Variants in KDM4B observed in about 807,000 individuals in gnomAD.
KDM4B encodes lysine demethylase 4B.
A neutral mutation model predicts 125.2 loss-of-function variants in KDM4B; 32 were observed. That is an observed-to-expected ratio of 0.26 (90% CI 0.19 to 0.34). The LOEUF (loss-of-function observed/expected upper bound fraction) is 0.34. Among genes scored for constraint, KDM4B ranks in the 10% least tolerant of loss-of-function variants. The pLI, the probability that KDM4B is intolerant of heterozygous loss-of-function variation, is 1.00. For synonymous variants in KDM4B, 721 were observed against 677.9 expected (o/e 1.06, Z -0.99); for missense variants, 1,190 against 1,577.7 (o/e 0.75, Z 4.16).
intron 2 of KDM4B, among the ~76,000 whole-genome samples, chr19:5,026,418 A>G (rs551874339): frequency 5.3e-4 from 81 of 152,244 alleles, no homozygotes; most frequent in African/African-American, 1.9e-3. Context: ...CCTGAGCTCA[A>G]TCGAGTGTCC....
chr19:4,984,851 C>G (rs1477664734), intron 1 of KDM4B, among the ~76,000 whole-genome samples: 1 of 152,134 alleles, frequency 6.6e-6, no homozygotes, highest in Non-Finnish European at 1.5e-5. Flanking sequence ...TACTAATGTA[C>G]CTGGGGGTCT....
At chr19:5,132,353 G>T (rs562560829) in intron 13 of KDM4B, among the ~76,000 whole-genome samples, 1 of 152,174 alleles carries the variant, frequency 6.6e-6, no homozygotes. Flanking sequence ...AAAGGCTCCC[G>T]CGAAGCTTTG....
rs138083510 is a variant in KDM4B, at chr19:5,141,755, G to T, written c.2551-2212G>T. On this transcript the variant is annotated intron_variant, in intron 18 of 22. Coordinates refer to ENST00000159111, the MANE Select transcript of KDM4B (RefSeq NM_015015.3). This position sits in a 1 kb window ranked among gnomAD's most constrained non-coding sequence, Gnocchi z 6.4. ...AAGTTATCACCACGTTCTCAAGGCCGTGCTGCTGAGAAGCTTCTCACCTAC... is the reference window on the plus strand; with the variant it reads ...AAGTTATCACCACGTTCTCAAGGCCTTGCTGCTGAGAAGCTTCTCACCTAC... Among the ~76,000 whole-genome samples the T allele has an allele frequency of 1.4e-4, 21 of 152,184 alleles. No individual in the cohort carries two copies. The highest frequency in any genetic ancestry group is 2.2e-4 in the Non-Finnish European group (15 of 68,034).
At chr19:5,112,769 G>C (rs931751297) in intron 10 of KDM4B, 1 of 152,456 alleles carries the variant, frequency 6.6e-6, no homozygotes, top group African/African-American at 2.4e-5. Context: ...GCCCTGCCAA[G>C]GTGAATCTGT....
At position 5,078,745 on chromosome 19, in the gene KDM4B, A is replaced by T. The variant is rs1022332693; in HGVS notation, c.780+1275A>T. 2.0e-5 allele frequency: 3 copies of T among 152,068 alleles called. No individual in the cohort carries two copies. The highest frequency in any genetic ancestry group is 7.2e-5 in the African/African-American group (3 of 41,394). 9.4% of individuals were successfully genotyped at this position (152,068 alleles called of 1,614,324 possible). A position where few individuals can be genotyped will look rare whatever the true frequency, so the allele number is the denominator to read the frequency against. On this transcript the variant is annotated intron_variant, in intron 8 of 22. Coordinates refer to ENST00000159111, the MANE Select transcript of KDM4B (RefSeq NM_015015.3). The surrounding 1 kb of genome is among the most constrained non-coding windows in gnomAD (Gnocchi z 4.5). ...GTATCGCACTGCAGTTTATCTGTAAAGTTCCTGAACCTGAGCCAAAGGTGG... is the reference window on the plus strand; with the variant it reads ...GTATCGCACTGCAGTTTATCTGTAATGTTCCTGAACCTGAGCCAAAGGTGG...
intron 18 of KDM4B, among the ~76,000 whole-genome samples, chr19:5,143,467 G>A (rs1002977342): frequency 4.6e-5 from 7 of 152,030 alleles, no homozygotes; most frequent in African/African-American, 1.7e-4. Flanking sequence ...ATTACCAGTC[G>A]CTCCCATCCC....
chr19:5,137,205 C>A, intron 15 of KDM4B, 57 bp from the exon 16 acceptor site: 1 of 1,367,768 alleles, frequency 7.3e-7, no homozygotes, highest in Non-Finnish European at 1.0e-6. Flanking sequence ...GAGTTTCACT[C>A]GGCTCCCCAA....
chr19:5,143,064 G>A (rs892703347), intron 18 of KDM4B, among the ~76,000 whole-genome samples: 4 of 152,182 alleles, frequency 2.6e-5, no homozygotes, highest in Middle Eastern at 3.4e-3. Flanking sequence ...GATGGCTCAC[G>A]CCTGTAATCC....
Position 4,969,180 on chromosome 19 carries a change from C to A in KDM4B, c.-159C>A, listed in dbSNP as rs2034152211. On this transcript the variant is annotated 5_prime_UTR_variant, in exon 1 of 23. Coordinates refer to ENST00000159111, the MANE Select transcript of KDM4B (RefSeq NM_015015.3). ...GGGCCTGGGGGTGCGACGCCGAGGG[C>A]GGGGGAGAGCGCGCCGCTGCTCCCG... The A allele has an allele frequency of 6.7e-6, 1 of 150,022 alleles. No individual in the cohort carries two copies. Among genetic ancestry groups the A allele is most frequent in the Non-Finnish European group, 1.5e-5 (1 of 67,442 alleles). 9.3% of individuals were successfully genotyped at this position (150,022 alleles called of 1,614,324 possible).
At chr19:5,022,729 C>G (rs1332235755) in intron 2 of KDM4B, among the ~76,000 whole-genome samples, 4 of 152,064 alleles carry the variant, frequency 2.6e-5, no homozygotes, top group South Asian at 2.1e-4. Flanking sequence ...AGCTCACTCC[C>G]TTGTCTGATT....
intron 9 of KDM4B, among the ~76,000 whole-genome samples, chr19:5,092,882 G>T (rs1475569187): frequency 6.6e-6 from 1 of 152,026 alleles, no homozygotes; most frequent in African/African-American, 2.4e-5. Context: ...TGGAGAGTGA[G>T]AGAGAACCTC....
chr19:5,090,473 T>TCCC (rs1167816424), intron 9 of KDM4B, among the ~76,000 whole-genome samples: 3 of 35,176 alleles, frequency 8.5e-5, no homozygotes, highest in Non-Finnish European at 1.6e-4. Flanking sequence ...CCTCTTTCTC[T>TCCC]CCCCCCCTCT....
chr19:5,009,170 C>T (rs1384312829), intron 1 of KDM4B, among the ~76,000 whole-genome samples: 1 of 152,144 alleles, frequency 6.6e-6, no homozygotes, highest in Non-Finnish European at 1.5e-5. Context: ...TCACCTTGGC[C>T]TCCCAAAGTG....
chr19:5,118,241 G>C (rs1208034493), intron 10 of KDM4B, among the ~76,000 whole-genome samples: 4 of 152,238 alleles, frequency 2.6e-5, no homozygotes, highest in Non-Finnish European at 4.4e-5. Flanking sequence ...GGATTGAGGT[G>C]TCCGAGTCTG....
intron 18 of KDM4B, among the ~76,000 whole-genome samples, chr19:5,140,065 A>G (rs567856855): frequency 6.6e-6 from 1 of 152,298 alleles, no homozygotes; most frequent in African/African-American, 2.4e-5. Flanking sequence ...AGTCCCCGCC[A>G]TGCAGGGTTG....
At chr19:4,974,823 C>T (rs939521020) in intron 1 of KDM4B, among the ~76,000 whole-genome samples, 15 of 151,972 alleles carry the variant, frequency 9.9e-5, no homozygotes, top group East Asian at 3.9e-4. Flanking sequence ...CAGAACCTTC[C>T]GGTGACTTCC....
intron 3 of KDM4B, among the ~76,000 whole-genome samples, 171 bp from the exon 4 acceptor site, chr19:5,039,665 C>T (rs2036741559): frequency 6.6e-6 from 1 of 151,850 alleles, no homozygotes; most frequent in South Asian, 2.1e-4. Flanking sequence ...GCTGCAGAGT[C>T]TTCTGGGGAG....
At position 5,135,682 on chromosome 19, in the gene KDM4B, C is replaced by T. The variant is rs2039637567; in HGVS notation, c.2308+121C>T. On this transcript the variant is annotated intron_variant, in intron 15 of 22. Coordinates refer to ENST00000159111, the MANE Select transcript of KDM4B (RefSeq NM_015015.3). ...CACCGGCCCCTCTCCCCAGGCTGCA[C>T]TTTCAGGGCCAGGGCAGGGGCCTCC... The T allele has an allele frequency of 1.2e-5, 10 of 827,984 alleles. No homozygotes were observed. In the South Asian group the frequency reaches 1.6e-4, roughly 13 times the overall value. The allele number at this position is 827,984 out of a possible 1,614,324, so 51.3% of individuals were successfully genotyped here.
At chr19:5,116,965 T>C (rs1015043936) in intron 10 of KDM4B, among the ~76,000 whole-genome samples, 3 of 152,078 alleles carry the variant, frequency 2.0e-5, no homozygotes, top group Non-Finnish European at 4.4e-5. Flanking sequence ...GATGAAGATG[T>C]CAGGGTCAGG....
Sources: gnomAD v4.1 joint callset for allele counts (sites outside exome capture counted in the v4.1 genomes callset) on GRCh38, gnomAD v4.1.1 for gene constraint, Gnocchi (gnomAD v3.1) non-coding constraint, MANE v1.5 for transcripts, NCBI Gene and HGNC (gene_info 2026-07-23, HGNC 2026-07-21) for gene names.